The following CCNO variants were observed in gnomAD, a reference collection of about 807,000 sequenced individuals.
CCNO encodes cyclin O, also known as cyclin-O.
In CCNO, 24 loss-of-function variants were observed where a neutral mutation model predicts 23.9. The ratio of observed to expected loss-of-function variants is 1.00; its 90% confidence interval spans 0.73 to 1.41. The LOEUF is 1.41. Among genes scored for constraint, CCNO ranks in the 40% most tolerant of loss-of-function variants. The probability of loss-of-function intolerance (pLI) is 0.00; values close to 1 mark genes in which losing one functional copy is unlikely to be tolerated. For synonymous variants in CCNO, 241 were observed against 225.7 expected (o/e 1.07, Z -0.61); for missense variants, 542 against 476.2 (o/e 1.14, Z -1.29).
Position 55,233,549 on chromosome 5 carries a change from A to AC in CCNO, c.-27dup, listed in dbSNP as rs745581262. 2 of 1,507,054 alleles carry AC rather than the reference A, an allele frequency of 1.3e-6. No homozygotes were observed. The allele number at this position is 1,507,054 out of a possible 1,614,324, so 93.4% of individuals were successfully genotyped here. A position where few individuals can be genotyped will look rare whatever the true frequency, so the allele number is the denominator to read the frequency against. Reference sequence around the variant, plus strand: ...GATGCGGCCGGGTGGCCGCTTTACTACCTTCAACGCCCGGGCTGCGGCGGG... The same window carrying AC: ...GATGCGGCCGGGTGGCCGCTTTACTACCCTTCAACGCCCGGGCTGCGGCGGG... On this transcript the variant is annotated 5_prime_UTR_variant, in exon 1 of 3. Transcript: ENST00000282572.
At position 55,233,320 on chromosome 5, in the gene CCNO, T is replaced by G. The variant is rs1052951064; in HGVS notation, c.204A>C (p.Ser68=). 1.9e-6 allele frequency: 3 copies of G among 1,601,550 alleles called. No homozygotes were observed. Among genetic ancestry groups the G allele is most frequent in the African/African-American group, 1.3e-5 (1 of 74,872 alleles). Residue 68 remains serine, a synonymous_variant, in exon 1 of 3, where the codon TCA becomes TCC. Transcript: ENST00000282572. ...CCGCAGAGGGGCTCTCTGCGCCGTC[T>G]GAGCCGGAGCTGGGGGACTCGAACA... ...CDLFESPSSG[S]DGAESPSAAR...
At chr5:55,232,241 A>G (rs1229683773) in intron 2 of CCNO, 120 bp downstream of exon 2, 2 of 870,616 alleles carry the variant, frequency 2.3e-6, no homozygotes, top group Non-Finnish European at 3.7e-6. Context: ...GTCTGATAAA[A>G]TGAGTTCTGG....
Position 55,231,484 on chromosome 5 carries a change from TCCTCCAGCGCCG to T in CCNO, c.932_943del (p.Ala311_Glu314del). The stretch of plus-strand genomic sequence containing the variant: ...CAGCAGCTGCAACTTGCCCATACAG[TCCTCCAGCGCCG>T]CCTCCGGGTGGTCTCCCAGTCGCAA... On this transcript the variant is annotated inframe_deletion, in exon 3 of 3. Transcript: ENST00000282572. 6.2e-7 allele frequency: 1 copy of T among 1,613,968 alleles called. No homozygotes were observed. The highest frequency in any genetic ancestry group is 8.5e-7 in the Non-Finnish European group (1 of 1,180,026).
In CCNO at chr5:55,232,395, A is replaced by G. The variant is rs1745612400; in HGVS notation, c.533T>C (p.Leu178Pro). 1 of 1,613,966 alleles carries G rather than the reference A, an allele frequency of 6.2e-7. No individual in the cohort carries two copies. Among genetic ancestry groups the G allele is most frequent in the Non-Finnish European group, 8.5e-7 (1 of 1,180,038 alleles). Residue 178 changes from leucine (L) to proline (P), a missense_variant, in exon 2 of 3, where the codon CTT (leucine) becomes CCT (proline). Leu to Pro is a moderately conservative substitution (Grantham distance 98, BLOSUM62 -3). Transcript: ENST00000282572. ...TPVAADCFQL[L>P]GVTSLLIACK... ...AGCGATGAGCAAGGAGGTGACCCCAAGCAGCTGGAAGCAGTCTGCAGCCAC... is the reference window on the plus strand; with the variant it reads ...AGCGATGAGCAAGGAGGTGACCCCAGGCAGCTGGAAGCAGTCTGCAGCCAC...
At position 55,231,605 on chromosome 5, in the gene CCNO, A is replaced by C; in HGVS notation, c.823T>G (p.Phe275Val). Residue 275 changes from phenylalanine (F) to valine (V), a missense_variant, in exon 3 of 3, where the codon TTC becomes GTC. Transcript: ENST00000282572. ...VAELSLADYA[F>V]TSYSPSLLAI... ...AGGAGGGAAGGGGAGTAGCTGGTGA[A>C]GGCATAGTCGGCCAGACTCAGCTCT... is the stretch of plus-strand genomic sequence containing the variant. 6.2e-7 allele frequency: 1 copy of C among 1,612,640 alleles called. No homozygotes were observed. Among genetic ancestry groups the C allele is most frequent in the Non-Finnish European group, 8.5e-7 (1 of 1,179,682 alleles).
intron 1 of CCNO, 150 bp downstream of exon 1, chr5:55,232,993 C>T (rs1251201263): frequency 1.2e-5 from 9 of 771,016 alleles, no homozygotes; most frequent in Non-Finnish European, 1.8e-5. Flanking sequence ...AGGCCGGTGA[C>T]GCCCCTCCAC....
chr5:55,231,339 C>G lies in CCNO; in HGVS notation c.*36G>C, dbSNP rs1745563764. The G allele has an allele frequency of 1.2e-6, 2 of 1,605,826 alleles. No individual in the cohort carries two copies. Among genetic ancestry groups the G allele is most frequent in the African/African-American group, 2.7e-5 (2 of 74,852 alleles). On this transcript the variant is annotated 3_prime_UTR_variant, in exon 3 of 3. Coordinates refer to ENST00000282572, the MANE Select transcript of CCNO (RefSeq NM_021147.5). ...TGAGGCTACGGGAGAGGTCCAGCAG[C>G]CGGGCCAGGGACTAAAAGGAAACGA...
rs1170297559 is a variant in CCNO, at chr5:55,232,483, G to C, written c.445C>G (p.Leu149Val). ...GTCAGGCACAGCGACTCGAAGGAGAGGCCGAATTGGCGGTGCACCGGGATC... is the reference window on the plus strand; with the variant it reads ...GTCAGGCACAGCGACTCGAAGGAGACGCCGAATTGGCGGTGCACCGGGATC... Reference protein sequence around the residue: ...WLIPVHRQFGLSFESLCLTVN... With the variant: ...WLIPVHRQFGVSFESLCLTVN... The change falls in exon 2 of 3, where the codon CTC becomes GTC. Residue 149 changes from leucine (L) to valine (V), a missense_variant. Leu to Val is a conservative substitution (Grantham distance 32, BLOSUM62 1). Coordinates refer to ENST00000282572, the MANE Select transcript of CCNO (RefSeq NM_021147.5). 2 of 1,613,844 alleles carry C rather than the reference G, an allele frequency of 1.2e-6. No individual in the cohort carries two copies. The highest frequency in any genetic ancestry group is 1.7e-6 in the Non-Finnish European group (2 of 1,180,048).
In CCNO at chr5:55,232,565, G is replaced by A. The variant is rs334892; in HGVS notation, c.382-19C>T. On this transcript the variant is annotated intron_variant, in intron 1 of 2. Coordinates refer to ENST00000282572, the MANE Select transcript of CCNO (RefSeq NM_021147.5). ...CCGTCACCTGCCGGGAAGGAGGGGG[G>A]AGGCGGGCCCGCTGGGCTTAGGGTG... is the stretch of plus-strand genomic sequence containing the variant. 5 of 1,612,496 alleles carry A rather than the reference G, an allele frequency of 3.1e-6. No homozygotes were observed. The highest frequency in any genetic ancestry group is 4.2e-6 in the Non-Finnish European group (5 of 1,179,512).
At position 55,233,585 on chromosome 5, in the gene CCNO, G is replaced by C. The variant is rs1745671319; in HGVS notation, c.-62C>G. ...CCGGGCTGCGGCGGGCAGCAAACGC[G>C]CACTCGAAAGTGCGAAGGAGGCCGG... On this transcript the variant is annotated 5_prime_UTR_variant, in exon 1 of 3. Transcript: ENST00000282572. 2.1e-6 allele frequency: 3 copies of C among 1,440,276 alleles called. No homozygotes were observed. The South Asian group carries it at 4.3e-5, about 21-fold the overall frequency. 89.2% of individuals were successfully genotyped at this position (1,440,276 alleles called of 1,614,324 possible).
chr5:55,232,313 T>G lies in CCNO; in HGVS notation c.567+48A>C, dbSNP rs762414326. 7 of 1,499,884 alleles carry G rather than the reference T, an allele frequency of 4.7e-6. No homozygotes were observed. The Admixed American group carries it at 1.3e-4, about 28-fold the overall frequency. 92.9% of individuals were successfully genotyped at this position (1,499,884 alleles called of 1,614,324 possible). A position where few individuals can be genotyped will look rare whatever the true frequency, so the allele number is the denominator to read the frequency against. ...GCGGCCAGGGAGTGGCGGGGGAGTT[T>G]GGCTGCGTCCCCAGATGCCGCGTGT... On this transcript the variant is annotated intron_variant, in intron 2 of 2. Transcript: ENST00000282572.
chr5:55,232,446 A>T lies in CCNO; in HGVS notation c.482T>A (p.Leu161Gln). Residue 161 changes from leucine to glutamine, a missense_variant, in exon 2 of 3, where the codon CTG (leucine) becomes CAG (glutamine). Leu to Gln is a moderately radical substitution (Grantham distance 113). Coordinates refer to ENST00000282572, the MANE Select transcript of CCNO (RefSeq NM_021147.5). The part of the protein sequence containing the change: ...FESLCLTVNT[L>Q]DRFLTTTPVA... Reference sequence around the variant, plus strand: ...CGGCGTGGTGGTGAGGAAGCGGTCCAGAGTGTTCACCGTCAGGCACAGCGA... The same window carrying T: ...CGGCGTGGTGGTGAGGAAGCGGTCCTGAGTGTTCACCGTCAGGCACAGCGA... 6.2e-7 allele frequency: 1 copy of T among 1,614,080 alleles called. No individual in the cohort carries two copies. The highest frequency in any genetic ancestry group is 8.5e-7 in the Non-Finnish European group (1 of 1,180,038).
chr5:55,231,366 G>A lies in CCNO; in HGVS notation c.*9C>T. 6.2e-7 allele frequency: 1 copy of A among 1,612,494 alleles called. No individual in the cohort carries two copies. The highest frequency in any genetic ancestry group is 2.2e-5 in the East Asian group (1 of 44,842). ...GGGCCAGGGACTAAAAGGAAACGAA[G>A]GATCTGTTTTATTTCGAGCTCGGGG... On this transcript the variant is annotated 3_prime_UTR_variant, in exon 3 of 3. Transcript: ENST00000282572.
chr5:55,233,598 C>G lies in CCNO; in HGVS notation c.-75G>C. On this transcript the variant is annotated 5_prime_UTR_variant, in exon 1 of 3. Transcript: ENST00000282572. The stretch of plus-strand genomic sequence containing the variant: ...GGCAGCAAACGCGCACTCGAAAGTG[C>G]GAAGGAGGCCGGGCTCAGAGGCTGG... 1 of 1,383,044 alleles carries G rather than the reference C, an allele frequency of 7.2e-7. No individual in the cohort carries two copies. Among genetic ancestry groups the G allele is most frequent in the Non-Finnish European group, 9.5e-7 (1 of 1,048,822 alleles). The allele number at this position is 1,383,044 out of a possible 1,614,324, so 85.7% of individuals were successfully genotyped here. A position where few individuals can be genotyped will look rare whatever the true frequency, so the allele number is the denominator to read the frequency against.
chr5:55,231,608 C>T lies in CCNO; in HGVS notation c.820G>A (p.Ala274Thr). ...GVAELSLADY[A>T]FTSYSPSLLA... ...AGGGAAGGGGAGTAGCTGGTGAAGG[C>T]ATAGTCGGCCAGACTCAGCTCTGCC... Residue 274 changes from alanine to threonine, a missense_variant, in exon 3 of 3, where the codon GCC becomes ACC. Transcript: ENST00000282572. 1 of 1,612,096 alleles carries T rather than the reference C, an allele frequency of 6.2e-7. No individual in the cohort carries two copies. The highest frequency in any genetic ancestry group is 8.5e-7 in the Non-Finnish European group (1 of 1,179,476).
At chr5:55,232,629 T>G in intron 1 of CCNO, 83 bp from the exon 2 acceptor site, 1 of 1,335,330 alleles carries the variant, frequency 7.5e-7, no homozygotes, top group Non-Finnish European at 1.1e-6. Context: ...CCAAGAAGAA[T>G]CGGGGAGCTT....
Position 55,233,563 on chromosome 5 carries a change from G to A in CCNO, c.-40C>T. 8 of 1,474,926 alleles carry A rather than the reference G, an allele frequency of 5.4e-6. No individual in the cohort carries two copies. Among genetic ancestry groups the A allele is most frequent in the Non-Finnish European group, 7.1e-6 (8 of 1,119,402 alleles). 91.4% of individuals were successfully genotyped at this position (1,474,926 alleles called of 1,614,324 possible). A position where few individuals can be genotyped will look rare whatever the true frequency, so the allele number is the denominator to read the frequency against. ...GCCGCTTTACTACCTTCAACGCCCG[G>A]GCTGCGGCGGGCAGCAAACGCGCAC... On this transcript the variant is annotated 5_prime_UTR_variant, in exon 1 of 3. Coordinates refer to ENST00000282572, the MANE Select transcript of CCNO (RefSeq NM_021147.5).
Position 55,231,624 on chromosome 5 carries a change from C to T in CCNO, c.804G>A (p.Leu268=). 6.2e-7 allele frequency: 1 copy of T among 1,608,024 alleles called. No individual in the cohort carries two copies. The highest frequency in any genetic ancestry group is 8.5e-7 in the Non-Finnish European group (1 of 1,177,750). ...TGGTGAAGGCATAGTCGGCCAGACT[C>T]AGCTCTGCCACCCCCCGCGCCAGGG... ...AQALARGVAE[L]SLADYAFTSY... is the part of the protein sequence containing the mutation. The change falls in exon 3 of 3, where the codon CTG becomes CTA. Residue 268 remains leucine, a synonymous_variant. Coordinates refer to ENST00000282572, the MANE Select transcript of CCNO (RefSeq NM_021147.5).
rs752106293 is a variant in CCNO at position 55,233,331 on chromosome 5, T to TG, written c.192dup (p.Ser65GlnfsTer17). 4 of 1,605,510 alleles carry TG rather than the reference T, an allele frequency of 2.5e-6. No individual in the cohort carries two copies. The highest frequency in any genetic ancestry group is 2.5e-6 in the Non-Finnish European group (3 of 1,177,290). ...CTCTCTGCGCCGTCTGAGCCGGAGC[T>TG]GGGGGACTCGAACAGGTCGCAAATG... On this transcript the variant is annotated frameshift_variant, in exon 1 of 3. Transcript: ENST00000282572. LOFTEE classifies it high-confidence loss of function.
Sources: allele counts gnomAD v4.1 joint callset, GRCh38; gene constraint gnomAD v4.1.1; transcripts MANE v1.5; gene names NCBI Gene and HGNC (gene_info 2026-07-23, HGNC 2026-07-21).